The following TMEM132D variants were observed in gnomAD, a reference collection of about 807,000 sequenced individuals.
TMEM132D encodes mature OL transmembrane protein.
TMEM132D carries 21 observed loss-of-function variants against 62.3 expected under a neutral mutation model. That is an observed-to-expected ratio of 0.34 (90% CI 0.24 to 0.49). The LOEUF is 0.49. Among genes scored for constraint, TMEM132D ranks in the 20% least tolerant of loss-of-function variants. The pLI is 0.99. For synonymous variants in TMEM132D, 621 were observed against 575.6 expected, an observed-to-expected ratio of 1.08 and a Z score of -1.13; for missense variants, 1,346 against 1,402.8, an observed-to-expected ratio of 0.96 and a Z score of 0.65.
intron 2 of TMEM132D, among the ~76,000 whole-genome samples, chr12:129,672,942 T>C (rs1487281081): frequency 6.6e-6 from 1 of 152,154 alleles, no homozygotes; most frequent in Non-Finnish European, 1.5e-5. Flanking sequence ...GAGATGGGGT[T>C]TTACCATGTT....
chr12:129,879,059 T>C (rs1874516388), intron 1 of TMEM132D, among the ~76,000 whole-genome samples: 2 of 152,242 alleles, frequency 1.3e-5, no homozygotes, highest in Non-Finnish European at 2.9e-5. Flanking sequence ...CCAATTTATT[T>C]TACCAAATTC....
At position 129,572,316 on chromosome 12, in the gene TMEM132D, C is replaced by T. The variant is rs139182143; in HGVS notation, c.969-41111G>A. On this transcript the variant is annotated intron_variant, in intron 2 of 8. Transcript: ENST00000422113. ...CGCCTGTTGAATTGTGTGGAGCTGGCGGGCAGAGGGAGGCCTGCCCTGGAC... is the reference window on the plus strand; with the variant it reads ...CGCCTGTTGAATTGTGTGGAGCTGGTGGGCAGAGGGAGGCCTGCCCTGGAC... 3.3e-5 allele frequency among the ~76,000 whole-genome samples: 5 copies of T among 152,306 alleles called. No homozygotes were observed. The East Asian group carries it at 7.7e-4, about 24-fold the overall frequency.
At chr12:129,460,759 A>ATG (rs1182059765) in intron 3 of TMEM132D, among the ~76,000 whole-genome samples, 2 of 152,020 alleles carry the variant, frequency 1.3e-5, no homozygotes, top group African/African-American at 4.8e-5. Context: ...ATGTGTTTCT[A>ATG]TGTGTGTGTG....
At chr12:129,247,381 C>T (rs1566010884) in intron 4 of TMEM132D, among the ~76,000 whole-genome samples, 1 of 152,094 alleles carries the variant, frequency 6.6e-6, no homozygotes, top group Non-Finnish European at 1.5e-5. Context: ...CCAACTTGTC[C>T]CTCTCTGGCT....
In TMEM132D at chr12:129,073,884, T is replaced by A; in HGVS notation, c.3291A>T (p.Glu1097Asp). ...TCTGTGTGTGTCTGGCTTACACATT[T>A]TCATGTAACCTCTCCATGTAGTTGT... is the stretch of plus-strand genomic sequence containing the variant. ...ELHNYMERLH[E>D]NV The change falls in exon 9 of 9, where the codon GAA becomes GAT. Residue 1097 changes from glutamate to aspartate, a missense_variant. Glu to Asp is a conservative substitution (Grantham distance 45). Coordinates refer to ENST00000422113, the MANE Select transcript of TMEM132D (RefSeq NM_133448.3). 1 of 1,533,904 alleles carries A rather than the reference T, an allele frequency of 6.5e-7. No individual in the cohort carries two copies. The highest frequency in any genetic ancestry group is 8.8e-7 in the Non-Finnish European group (1 of 1,142,510).
intron 4 of TMEM132D, among the ~76,000 whole-genome samples, chr12:129,299,163 G>T (rs1408280096): frequency 1.3e-5 from 2 of 152,190 alleles, no homozygotes; most frequent in African/African-American, 2.4e-5. Context: ...ATGTTGGCTG[G>T]AATTCTCGGG....
chr12:129,560,709 C>A (rs578146812), intron 2 of TMEM132D, among the ~76,000 whole-genome samples: 1 of 152,270 alleles, frequency 6.6e-6, no homozygotes, highest in Admixed American at 6.5e-5. Context: ...ACCTATAAAA[C>A]AAACAACAAA....
chr12:129,780,073 T>G (rs1871072784), intron 1 of TMEM132D, among the ~76,000 whole-genome samples: 1 of 152,056 alleles, frequency 6.6e-6, no homozygotes, highest in African/African-American at 2.4e-5. Flanking sequence ...AGCAGACTTC[T>G]TAGCTTCAAC....
chr12:129,295,880 T>C (rs1593327121), intron 4 of TMEM132D, among the ~76,000 whole-genome samples: 2 of 152,318 alleles, frequency 1.3e-5, no homozygotes, highest in East Asian at 3.9e-4. Flanking sequence ...TTGTATTCTT[T>C]TTTATTGTTG....
At chr12:129,084,358 A>C in intron 6 of TMEM132D, 139 bp downstream of exon 6, 1 of 826,944 alleles carries the variant, frequency 1.2e-6, no homozygotes, top group Admixed American at 3.4e-5. Flanking sequence ...AAGCCAACAC[A>C]GAGCAAATCC....
intron 4 of TMEM132D, among the ~76,000 whole-genome samples, chr12:129,312,888 T>G (rs1393266688): frequency 6.6e-6 from 1 of 152,226 alleles, no homozygotes; most frequent in African/African-American, 2.4e-5. Flanking sequence ...GGTATTTGCA[T>G]GAGCAATAGT....
rs145409868 is a variant in TMEM132D at position 129,532,505 on chromosome 12, C to T, written c.969-1300G>A. ...ACACGTCTGTCCCTAACACCAACAA[C>T]GCTATTTCCCATGGAAACAATTTTA... On this transcript the variant is annotated intron_variant, in intron 2 of 8. Coordinates refer to ENST00000422113, the MANE Select transcript of TMEM132D (RefSeq NM_133448.3). Among the ~76,000 whole-genome samples, 10 of 152,304 alleles carry T rather than the reference C, an allele frequency of 6.6e-5. No homozygotes were observed. In the South Asian group the frequency reaches 8.3e-4, roughly 13 times the overall value.
intron 6 of TMEM132D, among the ~76,000 whole-genome samples, chr12:129,083,335 C>T (rs752221034): frequency 6.6e-6 from 1 of 152,224 alleles, no homozygotes; most frequent in Non-Finnish European, 1.5e-5. Flanking sequence ...AGAACAGCAG[C>T]TGTTCCCTCT....
chr12:129,257,443 T>C (rs1475186940), intron 4 of TMEM132D, among the ~76,000 whole-genome samples: 4 of 151,846 alleles, frequency 2.6e-5, no homozygotes, highest in African/African-American at 7.3e-5. Context: ...TCTCCTGACC[T>C]CGTGATCTGC....
intron 3 of TMEM132D, among the ~76,000 whole-genome samples, chr12:129,410,037 C>G (rs959076316): frequency 3.9e-5 from 6 of 152,208 alleles, no homozygotes; most frequent in Non-Finnish European, 8.8e-5. Context: ...ATTCCTCTGC[C>G]TTGTTCCTTC....
intron 4 of TMEM132D, among the ~76,000 whole-genome samples, chr12:129,307,051 A>C (rs1384325761): frequency 9.2e-6 from 1 of 108,524 alleles, no homozygotes; most frequent in Non-Finnish European, 1.8e-5. Context: ...GTAACATAGG[A>C]CAATAGACTG....
At chr12:129,396,437 T>A (rs1185559625) in intron 3 of TMEM132D, among the ~76,000 whole-genome samples, 4 of 152,244 alleles carry the variant, frequency 2.6e-5, no homozygotes, top group Non-Finnish European at 5.9e-5. Context: ...AACAAACATT[T>A]GTGCAATTTC....
At chr12:129,733,738 T>C (rs1476858491) in intron 1 of TMEM132D, among the ~76,000 whole-genome samples, 1 of 152,038 alleles carries the variant, frequency 6.6e-6, no homozygotes, top group Non-Finnish European at 1.5e-5. Context: ...CGGGAGGCTG[T>C]CATGATAATT....
intron 3 of TMEM132D, among the ~76,000 whole-genome samples, chr12:129,365,672 G>T (rs1336423858): frequency 6.6e-6 from 1 of 152,134 alleles, no homozygotes; most frequent in Non-Finnish European, 1.5e-5. Flanking sequence ...AGCAAGAACT[G>T]CGTGTAAGAG....
Sources: gnomAD v4.1 joint callset for allele counts (sites outside exome capture counted in the v4.1 genomes callset) on GRCh38, gnomAD v4.1.1 for gene constraint, MANE v1.5 for transcripts, NCBI Gene and HGNC (gene_info 2026-07-23, HGNC 2026-07-21) for gene names.